DLC1: variants seen among roughly 807,000 people sequenced by gnomAD.
DLC1 encodes rho GTPase-activating protein 7.
In DLC1, 54 loss-of-function variants were observed where a neutral mutation model predicts 140.3. That is an observed-to-expected ratio of 0.38 (90% CI 0.31 to 0.48). The LOEUF is 0.48. DLC1 is among the 20% of genes least tolerant of loss of function. DLC1 has a pLI of 0.96. For missense variants in DLC1, 2,536 were observed against 1,907.0 expected, an observed-to-expected ratio of 1.33 and a Z score of -6.14; for synonymous variants, 986 against 728.1, an observed-to-expected ratio of 1.35 and a Z score of -5.70.
At chr8:13,098,131 G>A (rs538455274) in intron 10 of DLC1, among the ~76,000 whole-genome samples, 1 of 151,854 alleles carries the variant, frequency 6.6e-6, no homozygotes, top group Admixed American at 6.6e-5. Flanking sequence ...AGCCTCAGGT[G>A]GGAGAATCGC....
intron 1 of DLC1, among the ~76,000 whole-genome samples, chr8:13,600,729 T>G (rs1212661536): frequency 6.6e-6 from 1 of 151,908 alleles, no homozygotes; most frequent in Non-Finnish European, 1.5e-5. Context: ...AATCTTTTTT[T>G]TTAGCATTAA....
At chr8:13,229,229 C>T (rs1828936203) in intron 5 of DLC1, among the ~76,000 whole-genome samples, 1 of 152,184 alleles carries the variant, frequency 6.6e-6, no homozygotes, top group Non-Finnish European at 1.5e-5. Flanking sequence ...GTGGTATATA[C>T]ACACAGCAGA....
intron 2 of DLC1, among the ~76,000 whole-genome samples, chr8:13,434,105 G>T (rs1191892937): frequency 6.6e-6 from 1 of 152,154 alleles, no homozygotes; most frequent in African/African-American, 2.4e-5. Flanking sequence ...GCGAACTTCT[G>T]ACCTCAGGTG....
intron 5 of DLC1, among the ~76,000 whole-genome samples, chr8:13,185,793 C>G (rs1826336950): frequency 6.6e-6 from 1 of 152,116 alleles, no homozygotes; most frequent in South Asian, 2.1e-4. Context: ...ACTGGTTGAT[C>G]CTTTCCATGT....
At chr8:13,424,221 G>T (rs371522207) in intron 2 of DLC1, among the ~76,000 whole-genome samples, 2 of 152,044 alleles carry the variant, frequency 1.3e-5, no homozygotes, top group African/African-American at 4.8e-5. Context: ...AATCAAGGCC[G>T]GGTTCGGTGG....
intron 1 of DLC1, among the ~76,000 whole-genome samples, chr8:13,591,013 T>G (rs1805497789): frequency 6.6e-6 from 1 of 152,098 alleles, no homozygotes; most frequent in Admixed American, 6.6e-5. Flanking sequence ...GGAGGTACTT[T>G]CAATTGACAT....
rs559149976 is a variant in DLC1 at position 13,491,699 on chromosome 8, A to T, written c.1023+7350T>A. 7.9e-5 allele frequency among the ~76,000 whole-genome samples: 12 copies of T among 152,234 alleles called. No individual in the cohort carries two copies. In the East Asian group the frequency reaches 2.1e-3, roughly 27 times the overall value. ...CTTGAAGGTTTCCTCAGAGATCCAGATTTTACATGATTCCCTTGTCCCTCT... is the reference window on the plus strand; with the variant it reads ...CTTGAAGGTTTCCTCAGAGATCCAGTTTTTACATGATTCCCTTGTCCCTCT... On this transcript the variant is annotated intron_variant, in intron 2 of 17. Coordinates refer to ENST00000276297, the MANE Select transcript of DLC1 (RefSeq NM_182643.3).
chr8:13,118,095 G>C (rs1458586905), intron 5 of DLC1, among the ~76,000 whole-genome samples: 1 of 145,910 alleles, frequency 6.9e-6, no homozygotes, highest in African/African-American at 2.6e-5. Context: ...CTGCAGCATC[G>C]ACCTTCCGGG....
chr8:13,372,851 A>C (rs1174378341), intron 4 of DLC1, among the ~76,000 whole-genome samples: 1 of 152,144 alleles, frequency 6.6e-6, no homozygotes, highest in African/African-American at 2.4e-5. Flanking sequence ...TATCTTTATA[A>C]TTTATAATAA....
chr8:13,114,287 G>T (rs531125493), intron 6 of DLC1, among the ~76,000 whole-genome samples: 5 of 152,132 alleles, frequency 3.3e-5, no homozygotes, highest in African/African-American at 1.2e-4. Flanking sequence ...GCTTGAACCC[G>T]GGAGGCAGAG....
At chr8:13,210,835 C>G (rs994835299) in intron 5 of DLC1, among the ~76,000 whole-genome samples, 1 of 152,052 alleles carries the variant, frequency 6.6e-6, no homozygotes, top group Admixed American at 6.6e-5. Context: ...CTATTCTTGC[C>G]GCTTTTAAGT....
intron 5 of DLC1, chr8:13,132,824 G>A (rs777187685): frequency 2.1e-5 from 27 of 1,259,310 alleles, no homozygotes; most frequent in Non-Finnish European, 2.8e-5. Context: ...TGCAGAAAGC[G>A]TTTAAAGAGC....
At chr8:13,393,752 T>C (rs1260556115) in intron 3 of DLC1, 59 bp from the exon 4 acceptor site, 5 of 1,562,906 alleles carry the variant, frequency 3.2e-6, no homozygotes, top group Non-Finnish European at 4.3e-6. Flanking sequence ...AATGCCCTTC[T>C]TCCTACCACC....
At chr8:13,163,156 G>A (rs753107282) in intron 5 of DLC1, among the ~76,000 whole-genome samples, 3 of 152,074 alleles carry the variant, frequency 2.0e-5, no homozygotes, top group Non-Finnish European at 4.4e-5. Flanking sequence ...ATGTTACTTG[G>A]CTCATAGTCA....
intron 4 of DLC1, among the ~76,000 whole-genome samples, chr8:13,318,328 T>C (rs979215748): frequency 6.6e-6 from 1 of 152,150 alleles, no homozygotes; most frequent in Admixed American, 6.5e-5. Context: ...GCCATTGTGC[T>C]TGGCCAACTA....
intron 4 of DLC1, among the ~76,000 whole-genome samples, chr8:13,354,042 C>CAT (rs1554503279): frequency 3.4e-5 from 5 of 147,028 alleles, no homozygotes; most frequent in African/African-American, 1.2e-4. Flanking sequence ...ACATACTGAA[C>CAT]TTTTTTTTTT....
Position 13,163,085 on chromosome 8 carries a change from A to C in DLC1, c.1349-47428T>G, listed in dbSNP as rs748328646. The stretch of plus-strand genomic sequence containing the variant: ...ACAGGCAGGCATACAACCAGCACAC[A>C]TACATGAAGAGGCTGAAAGACAGCT... On this transcript the variant is annotated intron_variant, in intron 5 of 17. Coordinates refer to ENST00000276297, the MANE Select transcript of DLC1 (RefSeq NM_182643.3). Among the ~76,000 whole-genome samples, 24 of 152,164 alleles carry C rather than the reference A, an allele frequency of 1.6e-4. 1 individual carries two copies. The highest frequency in any genetic ancestry group is 2.9e-4 in the Non-Finnish European group (20 of 68,044).
At position 13,261,302 on chromosome 8, in the gene DLC1, G is replaced by C. The variant is rs924242156; in HGVS notation, c.1348+43967C>G. On this transcript the variant is annotated intron_variant, in intron 5 of 17. Transcript: ENST00000276297. ...ACTGTCTGGGAAAAGAATTTTTCAA[G>C]ATGAGGGAACAGCAATTGTCATGAA... Among the ~76,000 whole-genome samples the C allele has an allele frequency of 1.3e-5, 2 of 152,282 alleles. 1 individual carries two copies. Among genetic ancestry groups the C allele is most frequent in the Admixed American group, 1.3e-4 (2 of 15,296 alleles).
At chr8:13,579,607 T>C (rs1417930082) in intron 1 of DLC1, among the ~76,000 whole-genome samples, 1 of 133,790 alleles carries the variant, frequency 7.5e-6, no homozygotes, top group African/African-American at 2.8e-5. Flanking sequence ...TTTAATATAT[T>C]ATATTTTATA....
Sources: allele counts gnomAD v4.1 joint callset (sites outside exome capture counted in the v4.1 genomes callset), GRCh38; gene constraint gnomAD v4.1.1; transcripts MANE v1.5; gene names NCBI Gene and HGNC (gene_info 2026-07-23, HGNC 2026-07-21).